NASP: variants seen among roughly 807,000 people sequenced by gnomAD.
The protein encoded by NASP is NASP histone chaperone.
In NASP, 24 loss-of-function variants were observed where a neutral mutation model predicts 89.5. The ratio of observed to expected loss-of-function variants is 0.27; its 90% confidence interval spans 0.19 to 0.38. The LOEUF is 0.38. NASP is among the 10% of genes least tolerant of loss of function. NASP has a pLI of 1.00. For synonymous variants in NASP, 306 were observed against 324.7 expected, an observed-to-expected ratio of 0.94 and a Z score of 0.62; for missense variants, 848 against 921.4, an observed-to-expected ratio of 0.92 and a Z score of 1.03.
chr1:45,593,868 T>C (rs895752207), intron 2 of NASP, among the ~76,000 whole-genome samples: 18 of 147,770 alleles, frequency 1.2e-4, no homozygotes, highest in Non-Finnish European at 2.1e-4. Flanking sequence ...AAAAAAAAAA[T>C]TTTTTTTTTA....
At chr1:45,606,410 G>A in intron 4 of NASP, 72 bp from the exon 5 acceptor site, 1 of 1,037,768 alleles carries the variant, frequency 9.6e-7, no homozygotes, top group South Asian at 1.3e-5. Context: ...ATATAGGACT[G>A]TATTTTCTGT....
At chr1:45,606,617 A>G (rs1337761633) in intron 5 of NASP, 26 bp downstream of exon 5, 1 of 1,455,870 alleles carries the variant, frequency 6.9e-7, no homozygotes, top group Non-Finnish European at 9.6e-7. Flanking sequence ...TGTGACATTC[A>G]AGAGATGCGA....
rs1169913596 is a variant in NASP, at chr1:45,615,480, C to T, written c.2022+9C>T. 9 of 1,600,542 alleles carry T rather than the reference C, an allele frequency of 5.6e-6. No homozygotes were observed. Among genetic ancestry groups the T allele is most frequent in the African/African-American group, 4.1e-5 (3 of 73,930 alleles). On this transcript the variant is annotated intron_variant, in intron 11 of 14. Transcript: ENST00000350030. ...CTCTGAAAGCTACTCTGGTTGGTTC[C>T]GTTAACATTTTGATAATAGCATGTT...
intron 1 of NASP, among the ~76,000 whole-genome samples, chr1:45,589,125 G>GGTTT (rs917544240): frequency 3.3e-5 from 5 of 152,188 alleles, no homozygotes; most frequent in South Asian, 2.1e-4. Flanking sequence ...TATGGTTTCT[G>GGTTT]GTTTGTTTGT....
At chr1:45,603,880 A>G (rs936480504) in intron 3 of NASP, among the ~76,000 whole-genome samples, 1 of 152,212 alleles carries the variant, frequency 6.6e-6, no homozygotes, top group Non-Finnish European at 1.5e-5. Context: ...AAGTTCTGGG[A>G]TTACAGGCGT....
At chr1:45,586,291 GTGT>G (rs1644545884) in intron 1 of NASP, among the ~76,000 whole-genome samples, 2 of 98,362 alleles carry the variant, frequency 2.0e-5, no homozygotes, top group East Asian at 3.1e-4. Context: ...TGTGGTGTGT[GTGT>G]GTGTGTGTGT....
chr1:45,584,299 G>A, intron 1 of NASP, 94 bp downstream of exon 1: 2 of 1,212,976 alleles, frequency 1.6e-6, no homozygotes, highest in East Asian at 2.6e-5. Context: ...CGGTGGGCGG[G>A]AGTACTTGCC....
intron 7 of NASP, 113 bp from the exon 8 acceptor site, chr1:45,613,983 G>T: frequency 1.3e-6 from 1 of 769,990 alleles, no homozygotes; most frequent in Non-Finnish European, 2.1e-6. Flanking sequence ...ATTTTAGGGA[G>T]AAAGTCCAAA....
At chr1:45,610,414 A>G (rs1643987215) in intron 6 of NASP, 1 of 152,154 alleles carries the variant, frequency 6.6e-6, no homozygotes, top group South Asian at 2.1e-4. Flanking sequence ...CTGCTACCCA[A>G]ACTTCTGGCT....
intron 2 of NASP, among the ~76,000 whole-genome samples, chr1:45,597,011 A>G (rs1017849344): frequency 2.0e-5 from 3 of 151,874 alleles, no homozygotes; most frequent in African/African-American, 7.3e-5. Flanking sequence ...AAAAGAAAAA[A>G]GAAATTACCA....
Position 45,602,357 on chromosome 1 carries a change from T to G in NASP, c.210T>G (p.Ala70=). The part of the protein sequence containing the change: ...PAAVNAFQEA[A]SLLGKKYGET... ...CTGTCAATGCATTCCAGGAAGCAGC[T>G]AGTCTTTTGTAAGTATTGTATATTT... is the stretch of plus-strand genomic sequence containing the variant. Residue 70 remains alanine, a synonymous_variant, in exon 3 of 15, where the codon GCT becomes GCG. Coordinates refer to ENST00000350030, the MANE Select transcript of NASP (RefSeq NM_002482.4). 6.2e-7 allele frequency: 1 copy of G among 1,612,890 alleles called. No homozygotes were observed. The highest frequency in any genetic ancestry group is 8.5e-7 in the Non-Finnish European group (1 of 1,179,238).
chr1:45,594,835 T>A, intron 2 of NASP: 1 of 376,358 alleles, frequency 2.7e-6, no homozygotes, highest in South Asian at 1.8e-5. Context: ...ATTCTGATTC[T>A]GAGAGAAACA....
chr1:45,600,837 C>T (rs1304889478), intron 2 of NASP, among the ~76,000 whole-genome samples: 1 of 152,202 alleles, frequency 6.6e-6, no homozygotes, highest in Non-Finnish European at 1.5e-5. Context: ...ACATCCTCAC[C>T]ATCATTTGAT....
intron 1 of NASP, among the ~76,000 whole-genome samples, chr1:45,584,433 G>T (rs1278776073): frequency 6.6e-6 from 1 of 152,212 alleles, no homozygotes; most frequent in Non-Finnish European, 1.5e-5. Flanking sequence ...GCTTTTCGCG[G>T]CCGCCATCTT....
intron 11 of NASP, 63 bp from the exon 12 acceptor site, chr1:45,616,274 T>A (rs192456322): frequency 6.8e-7 from 1 of 1,467,466 alleles, no homozygotes; most frequent in African/African-American, 1.4e-5. Flanking sequence ...GGGTTCCTGT[T>A]ACAAGGCTGT....
chr1:45,589,568 T>A (rs1185515608), intron 1 of NASP, among the ~76,000 whole-genome samples: 1 of 152,170 alleles, frequency 6.6e-6, no homozygotes, highest in Non-Finnish European at 1.5e-5. Context: ...GCTTCATAGT[T>A]GTAAATGTAG....
chr1:45,612,567 A>AT (rs1202557089), intron 6 of NASP: 1 of 152,242 alleles, frequency 6.6e-6, no homozygotes, highest in Non-Finnish European at 1.5e-5. Flanking sequence ...TAGCAAAGGT[A>AT]TAGGAGTAAA....
intron 2 of NASP, among the ~76,000 whole-genome samples, chr1:45,595,005 C>G (rs539909621): frequency 6.6e-5 from 10 of 151,836 alleles, no homozygotes; most frequent in Non-Finnish European, 1.5e-4. Context: ...TTTTTTTTCC[C>G]CCCTTGAGTC....
chr1:45,587,198 GTT>G (rs1422617807), intron 1 of NASP, among the ~76,000 whole-genome samples: 1 of 147,098 alleles, frequency 6.8e-6, no homozygotes, highest in Non-Finnish European at 1.5e-5. Context: ...TTTTTTTGTT[GTT>G]TTTTTTTTGA....
Sources: gnomAD v4.1 joint callset for allele counts (sites outside exome capture counted in the v4.1 genomes callset) on GRCh38, gnomAD v4.1.1 for gene constraint, MANE v1.5 for transcripts, NCBI Gene and HGNC (gene_info 2026-07-23, HGNC 2026-07-21) for gene names.